Variants in DPP10 observed in about 807,000 individuals in gnomAD.
The protein encoded by DPP10 is dipeptidyl peptidase like 10.
Under a neutral mutation model 120.9 loss-of-function variants are expected in DPP10, and 33 were observed. The observed-to-expected ratio is 0.27, with a 90% CI of 0.21 to 0.37. The LOEUF (loss-of-function observed/expected upper bound fraction) is 0.37, where lower values mean the gene tolerates loss of function less well. Ranked by LOEUF, DPP10 falls within the 10% of genes least tolerant of loss-of-function variation. The pLI is 1.00. For missense variants in DPP10, 816 were observed against 942.8 expected, an observed-to-expected ratio of 0.87 and a Z score of 1.76; for synonymous variants, 337 against 326.1, an observed-to-expected ratio of 1.03 and a Z score of -0.36.
At chr2:114,508,796 T>C (rs1218712743) in intron 1 of DPP10, among the ~76,000 whole-genome samples, 1 of 152,078 alleles carries the variant, frequency 6.6e-6, no homozygotes, top group Non-Finnish European at 1.5e-5. Flanking sequence ...CTTGTCCCCA[T>C]CTCATCACTG....
At chr2:114,530,056 C>T (rs1685832245) in intron 1 of DPP10, among the ~76,000 whole-genome samples, 1 of 152,068 alleles carries the variant, frequency 6.6e-6, no homozygotes, top group African/African-American at 2.4e-5. Context: ...GGAAATGTTA[C>T]ATTCTTAGAG....
At chr2:115,420,118 G>T (rs2069804649) in intron 3 of DPP10, among the ~76,000 whole-genome samples, 1 of 152,098 alleles carries the variant, frequency 6.6e-6, no homozygotes, top group African/African-American at 2.4e-5. Context: ...TCCAGAACTT[G>T]GTTAACCCAA....
At chr2:114,544,985 G>A in intron 1 of DPP10, among the ~76,000 whole-genome samples, 1 of 151,844 alleles carries the variant, frequency 6.6e-6, no homozygotes, top group South Asian at 2.1e-4. Context: ...CCAAGTAGCT[G>A]GGATTACAGG....
intron 1 of DPP10, among the ~76,000 whole-genome samples, chr2:115,160,792 T>C (rs964863568): frequency 2.0e-5 from 3 of 152,146 alleles, no homozygotes; most frequent in Non-Finnish European, 4.4e-5. Flanking sequence ...CTCATTGATT[T>C]GTATCCAGGC....
In DPP10 at chr2:115,842,590, A is replaced by G; in HGVS notation, c.*245A>G. On this transcript the variant is annotated 3_prime_UTR_variant, in exon 26 of 26. Transcript: ENST00000410059. The stretch of plus-strand genomic sequence containing the variant: ...AAGGGTTGGTTTCCTGGGAGAAATT[A>G]GTTTTGCATTAAAGTAGGAGTAGTG... The G allele has an allele frequency of 2.9e-6, 1 of 343,880 alleles. No homozygotes were observed. The highest frequency in any genetic ancestry group is 2.1e-5 in the African/African-American group (1 of 48,068). 21.3% of individuals were successfully genotyped at this position (343,880 alleles called of 1,614,324 possible). A position where few individuals can be genotyped will look rare whatever the true frequency, so the allele number is the denominator to read the frequency against.
In DPP10 at chr2:115,760,004, C is replaced by T. The variant is rs138153849; in HGVS notation, c.1075-2568C>T. On this transcript the variant is annotated intron_variant, in intron 11 of 25. Transcript: ENST00000410059. ...AGTCTGGGCAACAAGAGTGAAACTCCGTCACAAAAAAAAAATACAAAAAAC... is the reference window on the plus strand; with the variant it reads ...AGTCTGGGCAACAAGAGTGAAACTCTGTCACAAAAAAAAAATACAAAAAAC... Among the ~76,000 whole-genome samples the T allele has an allele frequency of 4.0e-3, 598 of 150,430 alleles. 5 individuals carry two copies. Among genetic ancestry groups the T allele is most frequent in the African/African-American group, 0.014 (555 of 40,932 alleles).
At chr2:115,333,905 G>T (rs1291019907) in intron 2 of DPP10, among the ~76,000 whole-genome samples, 3 of 151,812 alleles carry the variant, frequency 2.0e-5, no homozygotes, top group African/African-American at 7.3e-5. Context: ...ATGTGTCTTA[G>T]AGTTGCTCTT....
intron 3 of DPP10, among the ~76,000 whole-genome samples, chr2:115,485,396 A>G (rs1236261843): frequency 3.3e-5 from 5 of 152,130 alleles, no homozygotes; most frequent in Non-Finnish European, 7.4e-5. Flanking sequence ...ATTAGTAACC[A>G]TCCTATAACT....
intron 1 of DPP10, among the ~76,000 whole-genome samples, chr2:114,878,506 T>C (rs763608801): frequency 7.2e-5 from 11 of 152,108 alleles, no homozygotes; most frequent in Non-Finnish European, 1.6e-4. Context: ...TCTACTGTGC[T>C]ATAGAACACT....
chr2:115,384,639 G>A (rs987977825), intron 3 of DPP10, among the ~76,000 whole-genome samples: 1 of 140,444 alleles, frequency 7.1e-6, no homozygotes, highest in East Asian at 2.0e-4. Context: ...GAAGAAGAAA[G>A]AAGGAAGAAG....
chr2:114,584,203 G>T (rs1184245898), intron 1 of DPP10, among the ~76,000 whole-genome samples: 1 of 152,078 alleles, frequency 6.6e-6, no homozygotes, highest in Non-Finnish European at 1.5e-5. Context: ...AGCTGAAAAA[G>T]AAGTATAGTA....
At chr2:115,106,437 C>G (rs544407533) in intron 1 of DPP10, among the ~76,000 whole-genome samples, 1 of 152,252 alleles carries the variant, frequency 6.6e-6, no homozygotes, top group East Asian at 1.9e-4. Context: ...GATGTGTTCT[C>G]TCTGTCTCTG....
intron 19 of DPP10, among the ~76,000 whole-genome samples, chr2:115,805,306 C>A (rs1261549216): frequency 2.0e-5 from 3 of 152,074 alleles, no homozygotes; most frequent in African/African-American, 7.2e-5. Context: ...TGGGAGTGAC[C>A]CGATTTTCCA....
chr2:114,555,254 T>G (rs989091655), intron 1 of DPP10, among the ~76,000 whole-genome samples: 5 of 152,168 alleles, frequency 3.3e-5, no homozygotes, highest in African/African-American at 1.2e-4. Flanking sequence ...TCCTTGCTTG[T>G]GGCAGGACAT....
chr2:115,598,032 CTAAT>C (rs1323857792), intron 5 of DPP10, among the ~76,000 whole-genome samples: 1 of 151,904 alleles, frequency 6.6e-6, no homozygotes, highest in Non-Finnish European at 1.5e-5. Context: ...TTTGGTAATA[CTAAT>C]TATTTTGAAG....
At chr2:114,447,034 A>AT (rs3981301) in intron 1 of DPP10, among the ~76,000 whole-genome samples, 12,145 of 138,266 alleles carry the variant, frequency 0.088, 865 homozygotes, top group East Asian at 0.33. Flanking sequence ...TGGTTGTTAA[A>AT]TTTTTTTTTT....
At chr2:114,773,486 C>G (rs567231146) in intron 1 of DPP10, among the ~76,000 whole-genome samples, 2 of 151,658 alleles carry the variant, frequency 1.3e-5, no homozygotes, top group East Asian at 3.9e-4. Flanking sequence ...TATAACTCAA[C>G]AGGCCTGACT....
chr2:114,951,054 G>T (rs1400537365), intron 1 of DPP10, among the ~76,000 whole-genome samples: 1 of 152,120 alleles, frequency 6.6e-6, no homozygotes, highest in East Asian at 1.9e-4. Flanking sequence ...TCAAAAGCTG[G>T]CATTGGTAAA....
intron 3 of DPP10, among the ~76,000 whole-genome samples, chr2:115,358,358 T>C (rs2064544374): frequency 6.6e-6 from 1 of 152,216 alleles, no homozygotes; most frequent in African/African-American, 2.4e-5. Context: ...GAGTGACCTT[T>C]ACTCCAGTTC....
Sources: allele counts gnomAD v4.1 joint callset (sites outside exome capture counted in the v4.1 genomes callset), GRCh38; gene constraint gnomAD v4.1.1; transcripts MANE v1.5; gene names NCBI Gene and HGNC (gene_info 2026-07-23, HGNC 2026-07-21).